CLSTN2: variants seen among roughly 807,000 people sequenced by gnomAD.
CLSTN2 encodes calsyntenin 2.
CLSTN2 carries 48 observed loss-of-function variants against 101.2 expected under a neutral mutation model. The ratio of observed to expected loss-of-function variants is 0.47; its 90% CI spans 0.38 to 0.60. The LOEUF (loss-of-function observed/expected upper bound fraction) is 0.60, where lower values mean the gene tolerates loss of function less well. CLSTN2 is among the 20% of genes least tolerant of loss of function. The pLI is 0.00. For missense variants in CLSTN2, 1,160 were observed against 1,238.2 expected, an observed-to-expected ratio of 0.94 and a Z score of 0.95; for synonymous variants, 481 against 463.6, an observed-to-expected ratio of 1.04 and a Z score of -0.48.
intron 5 of CLSTN2, among the ~76,000 whole-genome samples, chr3:140,424,194 G>T (rs1057312448): frequency 3.9e-5 from 6 of 152,192 alleles, no homozygotes; most frequent in African/African-American, 1.4e-4. Context: ...GGAAATGACT[G>T]AGAACAGGTA....
intron 9 of CLSTN2, among the ~76,000 whole-genome samples, chr3:140,544,898 G>A (rs1322791261): frequency 3.3e-5 from 5 of 152,052 alleles, no homozygotes; most frequent in Non-Finnish European, 7.4e-5. Flanking sequence ...TAGGGGTGGT[G>A]TCTCAGTATA....
chr3:140,331,867 C>T (rs1439959091), intron 2 of CLSTN2, among the ~76,000 whole-genome samples: 1 of 152,212 alleles, frequency 6.6e-6, no homozygotes, highest in Non-Finnish European at 1.5e-5. Context: ...TTTTAGTAAG[C>T]TTCCAAGCTC....
rs572341132 is a variant in CLSTN2, at chr3:140,427,520, C to T, written c.787+6246C>T. On this transcript the variant is annotated intron_variant, in intron 5 of 16. Transcript: ENST00000458420. Reference sequence around the variant, plus strand: ...TGTCTAGTGGGCAGTGGGATTGTCACATCTGATGCTTAGGAGACAGGTATG... The same window carrying T: ...TGTCTAGTGGGCAGTGGGATTGTCATATCTGATGCTTAGGAGACAGGTATG... Among the ~76,000 whole-genome samples, 165 of 152,070 alleles carry T rather than the reference C, an allele frequency of 1.1e-3. 1 individual carries two copies. The highest frequency in any genetic ancestry group is 3.7e-3 in the African/African-American group (154 of 41,440).
intron 1 of CLSTN2, among the ~76,000 whole-genome samples, chr3:139,949,322 G>A (rs377678561): frequency 6.6e-6 from 1 of 152,290 alleles, no homozygotes. Context: ...TCTTTGCCTT[G>A]TGGGGGAATG....
chr3:140,076,479 G>A (rs571959528), intron 1 of CLSTN2, among the ~76,000 whole-genome samples: 1 of 152,078 alleles, frequency 6.6e-6, no homozygotes, highest in Non-Finnish European at 1.5e-5. Context: ...GTCTCCTATA[G>A]CTTGGTAGGC....
chr3:140,429,557 G>A (rs1006798996), intron 5 of CLSTN2, among the ~76,000 whole-genome samples: 1 of 152,060 alleles, frequency 6.6e-6, no homozygotes. Context: ...TGGAGGGAGG[G>A]CCTCCTCATA....
At chr3:140,486,467 A>G (rs1559884102) in intron 8 of CLSTN2, among the ~76,000 whole-genome samples, 1 of 152,242 alleles carries the variant, frequency 6.6e-6, no homozygotes, top group East Asian at 1.9e-4. Flanking sequence ...AATGAGTTCT[A>G]CTGATGCAAA....
At chr3:140,085,304 G>T (rs1434719363) in intron 1 of CLSTN2, among the ~76,000 whole-genome samples, 1 of 152,198 alleles carries the variant, frequency 6.6e-6, no homozygotes, top group Non-Finnish European at 1.5e-5. Context: ...TGCTTTTCTT[G>T]CCAGCAATGA....
intron 1 of CLSTN2, among the ~76,000 whole-genome samples, chr3:140,109,166 A>AT (rs1016742269): frequency 1.2e-4 from 18 of 151,864 alleles, no homozygotes; most frequent in African/African-American, 3.1e-4. Context: ...GAAACGTCTT[A>AT]TTTTTTTTCC....
intron 1 of CLSTN2, among the ~76,000 whole-genome samples, chr3:139,960,966 A>C (rs1245894107): frequency 6.6e-6 from 1 of 152,250 alleles, no homozygotes; most frequent in Non-Finnish European, 1.5e-5. Context: ...AATCAAATGA[A>C]TAGCCATCCC....
intron 5 of CLSTN2, among the ~76,000 whole-genome samples, chr3:140,429,093 CAT>C: frequency 6.6e-6 from 1 of 152,156 alleles, no homozygotes; most frequent in South Asian, 2.1e-4. Context: ...ATCTAATCAG[CAT>C]TAGATTAGCA....
intron 2 of CLSTN2, among the ~76,000 whole-genome samples, chr3:140,201,857 G>A (rs1351234538): frequency 1.3e-5 from 2 of 151,884 alleles, no homozygotes; most frequent in Admixed American, 1.3e-4. Flanking sequence ...TATATAATAA[G>A]TTAGATACAA....
intron 2 of CLSTN2, among the ~76,000 whole-genome samples, chr3:140,389,627 A>T (rs2088091053): frequency 6.6e-6 from 1 of 152,330 alleles, no homozygotes; most frequent in African/African-American, 2.4e-5. Flanking sequence ...AGAATGATTT[A>T]TATTCCTTTG....
intron 2 of CLSTN2, among the ~76,000 whole-genome samples, chr3:140,333,397 C>T (rs1375108308): frequency 6.6e-6 from 1 of 152,162 alleles, no homozygotes; most frequent in Admixed American, 6.5e-5. Flanking sequence ...CAGATTATCT[C>T]TGAGAACCCC....
At chr3:140,127,806 GA>G (rs1011031041) in intron 1 of CLSTN2, among the ~76,000 whole-genome samples, 2 of 152,236 alleles carry the variant, frequency 1.3e-5, no homozygotes, top group Admixed American at 6.5e-5. Context: ...ACAGGGCTGG[GA>G]AAAGAATAAG....
intron 1 of CLSTN2, among the ~76,000 whole-genome samples, chr3:140,031,385 G>A (rs2007544721): frequency 6.6e-6 from 1 of 152,182 alleles, no homozygotes; most frequent in Admixed American, 6.5e-5. Context: ...CCTAAACCCT[G>A]GTAGCCGCTT....
At chr3:140,099,184 A>G (rs886387626) in intron 1 of CLSTN2, among the ~76,000 whole-genome samples, 2 of 152,188 alleles carry the variant, frequency 1.3e-5, no homozygotes, top group African/African-American at 2.4e-5. Flanking sequence ...AAGTCCTACT[A>G]TATTAGCTTC....
At chr3:140,014,054 C>T (rs901619128) in intron 1 of CLSTN2, among the ~76,000 whole-genome samples, 1 of 152,102 alleles carries the variant, frequency 6.6e-6, no homozygotes, top group Non-Finnish European at 1.5e-5. Flanking sequence ...TGCCATTTTC[C>T]AATTCCATAG....
intron 8 of CLSTN2, among the ~76,000 whole-genome samples, chr3:140,518,024 C>T (rs1358019639): frequency 1.3e-5 from 2 of 152,054 alleles, no homozygotes; most frequent in Non-Finnish European, 2.9e-5. Context: ...TGGGGTTGTT[C>T]TCAGGGGAAT....
Sources: allele counts gnomAD v4.1 joint callset (sites outside exome capture counted in the v4.1 genomes callset), GRCh38; gene constraint gnomAD v4.1.1; transcripts MANE v1.5; gene names NCBI Gene and HGNC (gene_info 2026-07-23, HGNC 2026-07-21).